Variants in USP1 observed in about 807,000 individuals in gnomAD.
The protein encoded by USP1 is ubiquitin carboxyl-terminal hydrolase 1.
A neutral mutation model predicts 72.2 loss-of-function variants in USP1; 18 were observed. That is an observed-to-expected ratio of 0.25 (90% CI 0.17 to 0.37). USP1 has a LOEUF of 0.37. Ranked by LOEUF, USP1 falls within the 10% of genes least tolerant of loss-of-function variation. The pLI, the probability that USP1 is intolerant of heterozygous loss-of-function variation, is 1.00. For missense variants in USP1, 759 were observed against 884.9 expected (o/e 0.86, Z 1.81); for synonymous variants, 354 against 303.7 (o/e 1.17, Z -1.72).
chr1:62,450,287 C>A lies in USP1; in HGVS notation c.1664C>A (p.Pro555His). Residue 555 changes from proline (P) to histidine (H), a missense_variant, in exon 9 of 9, where the codon CCT (proline) becomes CAT (histidine). Transcript: ENST00000339950. The stretch of plus-strand genomic sequence containing the variant: ...GGTGGACTTTCCAAGATCAACACTC[C>A]TTTATTGACACCTCTTAAATTGTCA... The part of the protein sequence containing the change: ...YGGGLSKINT[P>H]LLTPLKLSLE... The A allele has an allele frequency of 6.2e-7, 1 of 1,614,044 alleles. No individual in the cohort carries two copies. Among genetic ancestry groups the A allele is most frequent in the Non-Finnish European group, 8.5e-7 (1 of 1,180,004 alleles).
intron 1 of USP1, among the ~76,000 whole-genome samples, chr1:62,438,720 C>T (rs1645110163): frequency 6.7e-6 from 1 of 149,702 alleles, no homozygotes; most frequent in African/African-American, 2.4e-5. Context: ...CATTTTTTTT[C>T]ACGTGCAAGT....
In USP1 at chr1:62,445,077, A is replaced by C; in HGVS notation, c.897A>C (p.Gln299His). ...EHQSLEENQR[Q>H]TRSKRKATSD... ...AGTCATTGGAAGAGAACCAGAGACA[A>C]ACTAGATCAAAAAGAAAAGCTACAA... The change falls in exon 6 of 9, where the codon CAA (glutamine) becomes CAC (histidine). Residue 299 changes from glutamine to histidine, a missense_variant. By Grantham distance (24) the Gln-to-His change is conservative. Coordinates refer to ENST00000339950, the MANE Select transcript of USP1 (RefSeq NM_003368.5). The C allele has an allele frequency of 1.2e-6, 2 of 1,611,820 alleles. No homozygotes were observed. Among genetic ancestry groups the C allele is most frequent in the Non-Finnish European group, 8.5e-7 (1 of 1,179,572 alleles).
In USP1 at chr1:62,448,456, C is replaced by T. The variant is rs779102981; in HGVS notation, c.1421-9C>T. On this transcript the variant is annotated splice_polypyrimidine_tract_variant and intron_variant, in intron 7 of 8. Coordinates refer to ENST00000339950, the MANE Select transcript of USP1 (RefSeq NM_003368.5). ...AGAAGTATTTGAGTGAAAGGATTCTCTTTTTTAGTTTCTCCAGAGCCAAAA... is the reference window on the plus strand; with the variant it reads ...AGAAGTATTTGAGTGAAAGGATTCTTTTTTTTAGTTTCTCCAGAGCCAAAA... The T allele has an allele frequency of 6.2e-7, 1 of 1,612,068 alleles. No homozygotes were observed. Among genetic ancestry groups the T allele is most frequent in the East Asian group, 2.2e-5 (1 of 44,778 alleles).
In USP1 at chr1:62,445,303, G is replaced by C. The variant is rs755238934; in HGVS notation, c.1123G>C (p.Glu375Gln). The C allele has an allele frequency of 6.2e-7, 1 of 1,613,608 alleles. No individual in the cohort carries two copies. The highest frequency in any genetic ancestry group is 1.3e-5 in the African/African-American group (1 of 75,008). ...AGTCAAAGGACAATCTAAAGAAAAT[G>C]AATGTGATCCTGAAGAGGACTTGGG... Reference protein sequence around the residue: ...QGVKGQSKENECDPEEDLGKC... With the variant: ...QGVKGQSKENQCDPEEDLGKC... The change falls in exon 6 of 9, where the codon GAA becomes CAA. Residue 375 changes from glutamate (E) to glutamine (Q), a missense_variant. Physicochemically the swap from Glu to Gln is conservative, Grantham distance 29. Coordinates refer to ENST00000339950, the MANE Select transcript of USP1 (RefSeq NM_003368.5).
Position 62,442,249 on chromosome 1 carries a change from A to C in USP1, c.346A>C (p.Ile116Leu). 6.2e-7 allele frequency: 1 copy of C among 1,606,342 alleles called. No homozygotes were observed. Among genetic ancestry groups the C allele is most frequent in the Non-Finnish European group, 8.5e-7 (1 of 1,174,862 alleles). Reference sequence around the variant, plus strand: ...TGGAGTAAAGCACTTATTTAATATTATTTCAAGGAAGAAAGAAGCTCTAAA... The same window carrying C: ...TGGAGTAAAGCACTTATTTAATATTCTTTCAAGGAAGAAAGAAGCTCTAAA... ...KSGVKHLFNI[I>L]SRKKEALKDE... The change falls in exon 4 of 9, where the codon ATT becomes CTT. Residue 116 changes from isoleucine (I) to leucine (L), a missense_variant. By Grantham distance (5) the Ile-to-Leu change is conservative (BLOSUM62 2). Transcript: ENST00000339950.
At chr1:62,447,614 G>A in intron 7 of USP1, 103 bp downstream of exon 7, 6 of 1,329,696 alleles carry the variant, frequency 4.5e-6, no homozygotes, top group Non-Finnish European at 6.1e-6. Context: ...GGGGAAAAAA[G>A]CTAGCTTTTA....
intron 5 of USP1, among the ~76,000 whole-genome samples, chr1:62,444,401 A>G (rs934371595): frequency 1.3e-5 from 2 of 152,096 alleles, no homozygotes; most frequent in African/African-American, 4.8e-5. Context: ...TCTGTCAGTA[A>G]TGGTGATAAT....
intron 5 of USP1, 82 bp from the exon 6 acceptor site, chr1:62,444,656 T>A: frequency 9.2e-7 from 1 of 1,082,398 alleles, no homozygotes; most frequent in Non-Finnish European, 1.2e-6. Context: ...ATGATTTTCC[T>A]TACATGAATT....
In USP1 at chr1:62,439,871, C is replaced by T. The variant is rs141677758; in HGVS notation, c.4C>T (p.Pro2Ser). The change falls in exon 2 of 9, where the codon CCT (proline) becomes TCT (serine). Residue 2 changes from proline to serine, a missense_variant. Physicochemically the swap from Pro to Ser is moderately conservative, Grantham distance 74. Coordinates refer to ENST00000339950, the MANE Select transcript of USP1 (RefSeq NM_003368.5). ...TCCTTGGGATTTGAAGAAAAAAATG[C>T]CTGGTGTCATACCTAGTGAAAGTAA... M[P>S]GVIPSESNGL... 370 of 1,406,440 alleles carry T rather than the reference C, an allele frequency of 2.6e-4. 3 individuals carry two copies. The highest frequency in any genetic ancestry group is 6.9e-5 in the Non-Finnish European group (74 of 1,073,012). The allele number at this position is 1,406,440 out of a possible 1,614,324, so 87.1% of individuals were successfully genotyped here. A position where few individuals can be genotyped will look rare whatever the true frequency, so the allele number is the denominator to read the frequency against.
chr1:62,442,997 CAAAAT>C (rs974821727), intron 4 of USP1, among the ~76,000 whole-genome samples, 157 bp from the exon 5 acceptor site: 3 of 150,904 alleles, frequency 2.0e-5, no homozygotes, highest in African/African-American at 7.3e-5. Context: ...GACCCTGTCT[CAAAAT>C]AAAAAAATAA....
chr1:62,451,093 GTC>G lies in USP1; in HGVS notation c.*118_*119del, dbSNP rs1415266020. ...CTTTTGAAGCTACTGGATATTATTGGTCTCTCTAGGTTTTTATATAAATAGTG... is the reference window on the plus strand; with the variant it reads ...CTTTTGAAGCTACTGGATATTATTGGTCTCTAGGTTTTTATATAAATAGTG... On this transcript the variant is annotated 3_prime_UTR_variant, in exon 9 of 9. Transcript: ENST00000339950. 2.8e-5 allele frequency: 31 copies of G among 1,102,320 alleles called. No homozygotes were observed. The highest frequency in any genetic ancestry group is 3.6e-5 in the Non-Finnish European group (29 of 801,882). 68.3% of individuals were successfully genotyped at this position (1,102,320 alleles called of 1,614,324 possible).
At chr1:62,438,934 A>G (rs755795952) in intron 1 of USP1, among the ~76,000 whole-genome samples, 14 of 152,190 alleles carry the variant, frequency 9.2e-5, no homozygotes, top group African/African-American at 7.2e-5. Flanking sequence ...CTTGTGTTTT[A>G]TCTTTCACTT....
rs34522182 is a variant in USP1, at chr1:62,444,260, CAAAAA to C, written c.558-462_558-458del. Among the ~76,000 whole-genome samples, 5 of 72,428 alleles carry C rather than the reference CAAAAA, an allele frequency of 6.9e-5. No homozygotes were observed. In the Admixed American group the frequency reaches 7.6e-4, roughly 11 times the overall value. The allele number at this position is 72,428 out of a possible 152,430, so 47.5% of individuals were successfully genotyped here. On this transcript the variant is annotated intron_variant, in intron 5 of 8. Transcript: ENST00000339950. ...GGCAACAGATCAAGACCCTTGTCTC[CAAAAA>C]AAAAAAAAAAAAAAAGGCCATTGTA... is the stretch of plus-strand genomic sequence containing the variant.
At chr1:62,445,662 A>G (rs1645166924) in intron 6 of USP1, among the ~76,000 whole-genome samples, 2 of 152,006 alleles carry the variant, frequency 1.3e-5, no homozygotes, top group South Asian at 4.1e-4. Flanking sequence ...TCATTAAAGT[A>G]ATTTTAATTT....
intron 6 of USP1, among the ~76,000 whole-genome samples, chr1:62,447,002 C>T (rs1269001835): frequency 1.3e-5 from 2 of 152,020 alleles, no homozygotes; most frequent in African/African-American, 4.8e-5. Flanking sequence ...TTACTGGAGA[C>T]AGGGTTTCTC....
At chr1:62,447,979 G>T (rs571820623) in intron 7 of USP1, among the ~76,000 whole-genome samples, 7 of 152,196 alleles carry the variant, frequency 4.6e-5, no homozygotes, top group African/African-American at 1.7e-4. Context: ...GTAGAGACGG[G>T]GTTTCACCAT....
In USP1 at chr1:62,445,343, A is replaced by G. The variant is rs1479774272; in HGVS notation, c.1163A>G (p.Asp388Gly). 1.2e-6 allele frequency: 2 copies of G among 1,612,904 alleles called. No individual in the cohort carries two copies. Among genetic ancestry groups the G allele is most frequent in the Admixed American group, 3.3e-5 (2 of 59,806 alleles). Residue 388 changes from aspartate to glycine, a missense_variant, in exon 6 of 9, where the codon GAT becomes GGT. Transcript: ENST00000339950. ...PEEDLGKCESDNTTNGCGLES... is the reference protein window; with the variant it reads ...PEEDLGKCESGNTTNGCGLES... ...GAGGACTTGGGGAAGTGTGAAAGTG[A>G]TAACACAACTAATGGTTGTGGACTT...
rs1055489490 is a variant in USP1, at chr1:62,437,211, G to A, written c.-259G>A. 2.5e-6 allele frequency: 1 copy of A among 398,520 alleles called. No individual in the cohort carries two copies. The highest frequency in any genetic ancestry group is 2.1e-5 in the African/African-American group (1 of 48,752). The allele number at this position is 398,520 out of a possible 1,614,324, so 24.7% of individuals were successfully genotyped here. ...GTTGGTGTTGGTGCAAGACGGGAGC[G>A]AGCGGCGGTCGGGGTTCCCGCTCTT... On this transcript the variant is annotated 5_prime_UTR_variant, in exon 1 of 9. Transcript: ENST00000339950.
chr1:62,436,779 C>A (rs1645090162), upstream of USP1: 2 of 229,818 alleles, frequency 8.7e-6, no homozygotes, highest in Non-Finnish European at 1.7e-5. Flanking sequence ...GCTAGCACCT[C>A]GCGCGCGCCC....
Sources: gnomAD v4.1 joint callset for allele counts (sites outside exome capture counted in the v4.1 genomes callset) on GRCh38, gnomAD v4.1.1 for gene constraint, MANE v1.5 for transcripts, NCBI Gene and HGNC (gene_info 2026-07-23, HGNC 2026-07-21) for gene names.